The following RELCH variants were observed in gnomAD, a reference collection of about 807,000 sequenced individuals.
RELCH encodes RAB11 binding and LisH domain, coiled-coil and HEAT repeat containing.
In RELCH, 41 loss-of-function variants were observed where a neutral mutation model predicts 150.3. The ratio of observed to expected loss-of-function variants is 0.27; its 90% CI spans 0.21 to 0.35. RELCH has a LOEUF of 0.35. Among genes scored for constraint, RELCH ranks in the 10% least tolerant of loss-of-function variants. RELCH has a pLI of 1.00. For missense variants in RELCH, 1,092 were observed against 1,467.8 expected, an observed-to-expected ratio of 0.74 and a Z score of 4.18; for synonymous variants, 478 against 531.8, an observed-to-expected ratio of 0.90 and a Z score of 1.39.
At position 62,266,311 on chromosome 18, in the gene RELCH, G is replaced by T. The variant is rs192270998; in HGVS notation, c.2632-390G>T. Among the ~76,000 whole-genome samples the T allele has an allele frequency of 3.7e-3, 561 of 151,806 alleles. 4 individuals carry two copies. Among genetic ancestry groups the T allele is most frequent in the African/African-American group, 0.013 (541 of 41,472 alleles). ...TCCTTTTCGTTTTTTAAAAATACAG[G>T]CAAATGCTTTTTTCGATAATTCTAA... is the stretch of plus-strand genomic sequence containing the variant. On this transcript the variant is annotated intron_variant, in intron 18 of 28. Coordinates refer to ENST00000644646, the MANE Select transcript of RELCH (RefSeq NM_001346231.2).
intron 3 of RELCH, 41 bp downstream of exon 3, chr18:62,221,149 C>T (rs770787539): frequency 6.3e-7 from 1 of 1,598,596 alleles, no homozygotes; most frequent in Non-Finnish European, 8.6e-7. Context: ...TCAACTTTGA[C>T]AATGTAGAAG....
chr18:62,296,848 T>C (rs1381211296), intron 27 of RELCH, among the ~76,000 whole-genome samples: 1 of 152,262 alleles, frequency 6.6e-6, no homozygotes, highest in Non-Finnish European at 1.5e-5. Flanking sequence ...AAACCAACCA[T>C]GCATTCCTGG....
intron 1 of RELCH, among the ~76,000 whole-genome samples, chr18:62,188,339 A>G (rs748263291): frequency 8.5e-5 from 13 of 152,220 alleles, no homozygotes; most frequent in South Asian, 6.2e-4. Context: ...TCCCTTTTAT[A>G]CTAGTTTATT....
At chr18:62,219,098 A>G (rs761425570) in intron 2 of RELCH, among the ~76,000 whole-genome samples, 1 of 151,886 alleles carries the variant, frequency 6.6e-6, no homozygotes. Flanking sequence ...GAGTGAATTC[A>G]TATTGATAAG....
chr18:62,303,396 C>G (rs575253589), intron 28 of RELCH, among the ~76,000 whole-genome samples: 1 of 152,280 alleles, frequency 6.6e-6, no homozygotes, highest in South Asian at 2.1e-4. Context: ...TCACCTAAAT[C>G]TTCTTCAAGC....
intron 8 of RELCH, among the ~76,000 whole-genome samples, chr18:62,229,510 G>GTGTA (rs1555725637): frequency 6.7e-6 from 1 of 149,082 alleles, no homozygotes; most frequent in African/African-American, 2.4e-5. Context: ...GTGTGTGTGT[G>GTGTA]TGTGTGTGTG....
At chr18:62,233,067 C>T (rs953633187) in intron 10 of RELCH, among the ~76,000 whole-genome samples, 5 of 151,586 alleles carry the variant, frequency 3.3e-5, no homozygotes, top group Non-Finnish European at 7.4e-5. Flanking sequence ...CTCCACATAG[C>T]CTATGTTATG....
chr18:62,229,386 T>C (rs758911403), intron 8 of RELCH, among the ~76,000 whole-genome samples: 1 of 152,048 alleles, frequency 6.6e-6, no homozygotes, highest in Non-Finnish European at 1.5e-5. Flanking sequence ...ACTAATTTGC[T>C]TCAGACTTAT....
At chr18:62,284,247 T>G (rs2044674057) in intron 25 of RELCH, 1 of 152,224 alleles carries the variant, frequency 6.6e-6, no homozygotes, top group African/African-American at 2.4e-5. Context: ...AGTTTTATTG[T>G]AGAATAGATA....
At chr18:62,222,595 T>TAAAAG in intron 5 of RELCH, among the ~76,000 whole-genome samples, 1 of 151,970 alleles carries the variant, frequency 6.6e-6, no homozygotes, top group Non-Finnish European at 1.5e-5. Context: ...GTGTAAATGA[T>TAAAAG]TAGTCCTTCT....
At chr18:62,297,258 G>GA (rs570892471) in intron 27 of RELCH, among the ~76,000 whole-genome samples, 116 of 152,216 alleles carry the variant, frequency 7.6e-4, no homozygotes, top group Non-Finnish European at 1.4e-3. Context: ...ACCTACAGGA[G>GA]AAAAAAGATC....
chr18:62,189,208 A>G (rs974630754), intron 1 of RELCH, among the ~76,000 whole-genome samples: 3 of 150,548 alleles, frequency 2.0e-5, no homozygotes, highest in Admixed American at 2.0e-4. Flanking sequence ...AGACTATAAA[A>G]TGAGACAGTA....
At chr18:62,229,132 C>T (rs2041397146) in intron 8 of RELCH, among the ~76,000 whole-genome samples, 1 of 151,912 alleles carries the variant, frequency 6.6e-6, no homozygotes, top group African/African-American at 2.4e-5. Context: ...GATTATGTTT[C>T]CTAGTGGAGG....
intron 7 of RELCH, among the ~76,000 whole-genome samples, 170 bp downstream of exon 7, chr18:62,227,859 G>GT (rs917912746): frequency 2.2e-4 from 34 of 151,834 alleles, no homozygotes; most frequent in Admixed American, 7.2e-4. Context: ...ATAGTAATAG[G>GT]TTTTTTTTCC....
chr18:62,307,245 A>AT lies in RELCH; in HGVS notation c.*1714dup, dbSNP rs1230365553. On this transcript the variant is annotated 3_prime_UTR_variant, in exon 29 of 29. Transcript: ENST00000644646. ...TATTTTGTAAATATAATTTATATAAATTTACCTATTTTGGTTTATTTTTAC... is the reference window on the plus strand; with the variant it reads ...TATTTTGTAAATATAATTTATATAAATTTTACCTATTTTGGTTTATTTTTAC... 6.6e-6 allele frequency: 1 copy of AT among 151,984 alleles called. No homozygotes were observed. Among genetic ancestry groups the AT allele is most frequent in the African/African-American group, 2.4e-5 (1 of 41,410 alleles). 9.4% of individuals were successfully genotyped at this position (151,984 alleles called of 1,614,324 possible).
intron 10 of RELCH, among the ~76,000 whole-genome samples, chr18:62,243,399 C>T (rs1018580774): frequency 6.6e-6 from 1 of 152,118 alleles, no homozygotes; most frequent in Non-Finnish European, 1.5e-5. Flanking sequence ...ATTCCCAGTG[C>T]AAAATTATTT....
intron 11 of RELCH, chr18:62,247,245 A>G (rs1310946134): frequency 6.6e-6 from 1 of 152,202 alleles, no homozygotes; most frequent in Non-Finnish European, 1.5e-5. Context: ...CAGTGAAAAT[A>G]ACAGTTACTC....
Position 62,264,109 on chromosome 18 carries a change from C to G in RELCH, c.2471C>G (p.Thr824Arg). ...TACCAGCTAGAACAAGAGGGTACAA[C>G]AGGCTGGGAGAGTTTACTGTGGGTT... ...YDYQLEQEGT[T>R]GWESLLWVVN... The change falls in exon 17 of 29, where the codon ACA becomes AGA. Residue 824 changes from threonine to arginine, a missense_variant. Transcript: ENST00000644646. 1 of 1,602,994 alleles carries G rather than the reference C, an allele frequency of 6.2e-7. No individual in the cohort carries two copies. Among genetic ancestry groups the G allele is most frequent in the Non-Finnish European group, 8.5e-7 (1 of 1,175,830 alleles).
chr18:62,234,875 TGTAG>T (rs2041800651), intron 10 of RELCH: 1 of 151,990 alleles, frequency 6.6e-6, no homozygotes, highest in South Asian at 2.1e-4. Flanking sequence ...TCTTTCATCC[TGTAG>T]GTTTTCTTTT....
Sources: allele counts gnomAD v4.1 joint callset (sites outside exome capture counted in the v4.1 genomes callset), GRCh38; gene constraint gnomAD v4.1.1; transcripts MANE v1.5; gene names NCBI Gene and HGNC (gene_info 2026-07-23, HGNC 2026-07-21).